The following ANKMY1 variants were observed in gnomAD, a reference collection of about 807,000 sequenced individuals.
ANKMY1 encodes ankyrin repeat and MYND domain containing 1, also known as ankyrin repeat and MYND domain-containing protein 1.
Under a neutral mutation model 102.0 loss-of-function variants are expected in ANKMY1, and 98 were observed. That is an observed-to-expected ratio of 0.96 (90% CI 0.82 to 1.14). The LOEUF is 1.14. Ranked by LOEUF, ANKMY1 falls within the 50% of genes most tolerant of loss-of-function variation. ANKMY1 has a pLI of 0.00. For synonymous variants in ANKMY1, 582 were observed against 559.9 expected, an observed-to-expected ratio of 1.04 and a Z score of -0.56; for missense variants, 1,330 against 1,347.6, an observed-to-expected ratio of 0.99 and a Z score of 0.20.
Position 240,479,666 on chromosome 2 carries a change from A to G in ANKMY1, c.3047-11T>C. On this transcript the variant is annotated splice_polypyrimidine_tract_variant and intron_variant, in intron 17 of 17. Coordinates refer to ENST00000401804, the MANE Select transcript of ANKMY1 (RefSeq NM_001282771.3). ...GCTCCAGTTGTGTCACTGGAGGAGG[A>G]AAAGGTGTGGGGGAGGGGGAAGAGG... The G allele has an allele frequency of 6.2e-7, 1 of 1,612,424 alleles. No individual in the cohort carries two copies. Among genetic ancestry groups the G allele is most frequent in the South Asian group, 1.1e-5 (1 of 91,052 alleles).
intron 15 of ANKMY1, among the ~76,000 whole-genome samples, chr2:240,497,183 G>C (rs940736623): frequency 1.1e-4 from 16 of 151,766 alleles, no homozygotes; most frequent in African/African-American, 3.9e-4. Flanking sequence ...CATAAGAATG[G>C]AGCCGCCACC....
chr2:240,511,488 G>A (rs188362712), intron 11 of ANKMY1, among the ~76,000 whole-genome samples: 2 of 152,208 alleles, frequency 1.3e-5, no homozygotes, highest in South Asian at 2.1e-4. Flanking sequence ...AAGGGGCACC[G>A]CCCAGGGCTC....
At chr2:240,539,897 C>T (rs918484179) in intron 4 of ANKMY1, among the ~76,000 whole-genome samples, 2 of 152,212 alleles carry the variant, frequency 1.3e-5, no homozygotes, top group African/African-American at 4.8e-5. Flanking sequence ...GTCAGACATA[C>T]CTTGCTATAC....
intron 1 of ANKMY1, 169 bp from the exon 2 acceptor site, chr2:240,557,521 G>A (rs2092507767): frequency 1.5e-6 from 1 of 665,496 alleles, no homozygotes. Flanking sequence ...CCATCCCTGG[G>A]AGTCCTCAGG....
chr2:240,500,993 C>G (rs1442759631), intron 13 of ANKMY1, among the ~76,000 whole-genome samples: 1 of 152,114 alleles, frequency 6.6e-6, no homozygotes, highest in Non-Finnish European at 1.5e-5. Flanking sequence ...CGAGTGCACG[C>G]GTATGCTTGT....
intron 4 of ANKMY1, among the ~76,000 whole-genome samples, chr2:240,536,396 C>T (rs1165398008): frequency 6.6e-6 from 1 of 152,062 alleles, no homozygotes; most frequent in African/African-American, 2.4e-5. Flanking sequence ...TTGACACCTC[C>T]CTGGCAAGAC....
Position 240,529,468 on chromosome 2 carries a change from C to T in ANKMY1, c.522G>A (p.Glu174=). Residue 174 remains glutamate, a synonymous_variant, in exon 5 of 18, where the codon GAG becomes GAA. Coordinates refer to ENST00000401804, the MANE Select transcript of ANKMY1 (RefSeq NM_001282771.3). This position sits in a 1 kb window ranked among gnomAD's most constrained non-coding sequence, Gnocchi z 4.2. ...CGTCCTGGCTGCCATCGGGGTAGGT[C>T]TCGACACCTGGCCCAAACCGCTGGT... is the stretch of plus-strand genomic sequence containing the variant. The part of the protein sequence containing the change: ...KADQRFGPGV[E]TYPDGSQDVG... The T allele has an allele frequency of 6.2e-7, 1 of 1,613,960 alleles. No homozygotes were observed. Among genetic ancestry groups the T allele is most frequent in the Non-Finnish European group, 8.5e-7 (1 of 1,179,988 alleles).
chr2:240,519,878 GA>G (rs1487583681), intron 9 of ANKMY1: 7 of 251,850 alleles, frequency 2.8e-5, no homozygotes, highest in Middle Eastern at 1.7e-3. Context: ...CACTTCTTAA[GA>G]AAAAAAATAT....
intron 13 of ANKMY1, among the ~76,000 whole-genome samples, chr2:240,502,880 C>G (rs1287898999): frequency 1.3e-5 from 2 of 152,096 alleles, no homozygotes; most frequent in East Asian, 3.9e-4. Context: ...CCTACACCCC[C>G]AGGCCCCCTG....
At chr2:240,548,218 T>C (rs886925874) in intron 4 of ANKMY1, among the ~76,000 whole-genome samples, 4 of 152,028 alleles carry the variant, frequency 2.6e-5, no homozygotes, top group Admixed American at 2.6e-4. Context: ...TATACGCAAA[T>C]CAGTAAATGT....
At chr2:240,539,007 CAAAATGGACCGATCAGCTCTCTGT>C (rs1457625447) in intron 4 of ANKMY1, among the ~76,000 whole-genome samples, 8 of 152,174 alleles carry the variant, frequency 5.3e-5, no homozygotes, top group Non-Finnish European at 1.2e-4. Flanking sequence ...AGCACTTTGT[CAAAATGGACCGATCAGCTCTCTGT>C]AAAATGGACC....
chr2:240,511,490 C>T (rs1342866634), intron 11 of ANKMY1, among the ~76,000 whole-genome samples: 4 of 152,226 alleles, frequency 2.6e-5, no homozygotes, highest in Non-Finnish European at 4.4e-5. Flanking sequence ...GGGGCACCGC[C>T]CAGGGCTCTG....
chr2:240,494,954 T>G (rs1297693824), intron 15 of ANKMY1, among the ~76,000 whole-genome samples: 2 of 152,166 alleles, frequency 1.3e-5, no homozygotes, highest in African/African-American at 2.4e-5. Flanking sequence ...TAAATATCAT[T>G]AATCATTACT....
chr2:240,486,910 T>C (rs1178132211), intron 15 of ANKMY1, among the ~76,000 whole-genome samples: 3 of 152,158 alleles, frequency 2.0e-5, no homozygotes, highest in African/African-American at 7.2e-5. Flanking sequence ...ACAAATATTA[T>C]TATTATTATT....
At chr2:240,527,803 G>C (rs1019188041) in intron 5 of ANKMY1, 1 of 152,092 alleles carries the variant, frequency 6.6e-6, no homozygotes, top group Non-Finnish European at 1.5e-5. Context: ...CTGAAAGAAT[G>C]GATGTTGCAT....
At chr2:240,474,445 T>TACATGTGC (rs1340928404), downstream of ANKMY1, among the ~76,000 whole-genome samples, 1 of 151,956 alleles carries the variant, frequency 6.6e-6, no homozygotes, top group East Asian at 1.9e-4. Flanking sequence ...GGTTCAGGGG[T>TACATGTGC]ACATGTGCAA....
chr2:240,544,666 C>T (rs1328072676), intron 4 of ANKMY1, among the ~76,000 whole-genome samples: 3 of 151,746 alleles, frequency 2.0e-5, no homozygotes, highest in Non-Finnish European at 2.9e-5. Context: ...GTGCGCAAGC[C>T]GAAGCCGGGC....
intron 15 of ANKMY1, among the ~76,000 whole-genome samples, chr2:240,490,766 G>T (rs2076552294): frequency 6.6e-6 from 1 of 152,092 alleles, no homozygotes; most frequent in African/African-American, 2.4e-5. Flanking sequence ...TATCCTGGAG[G>T]ATATTCCATG....
intron 11 of ANKMY1, 151 bp downstream of exon 11, chr2:240,511,710 C>T: frequency 2.9e-6 from 3 of 1,029,464 alleles, no homozygotes; most frequent in South Asian, 1.8e-5. Context: ...GTCCTCCCGC[C>T]TTGCCTTGCT....
Sources: allele counts gnomAD v4.1 joint callset (sites outside exome capture counted in the v4.1 genomes callset), GRCh38; gene constraint gnomAD v4.1.1; non-coding constraint Gnocchi (gnomAD v3.1); transcripts MANE v1.5; gene names NCBI Gene and HGNC (gene_info 2026-07-23, HGNC 2026-07-21).